AJAP1: variants seen among roughly 807,000 people sequenced by gnomAD.
AJAP1 encodes the protein adherens junctions associated protein 1.
A neutral mutation model predicts 35.0 loss-of-function variants in AJAP1; 5 were observed. The observed-to-expected ratio is 0.14, with a 90% CI of 0.07 to 0.30. The LOEUF is 0.30. AJAP1 is among the 10% of genes least tolerant of loss of function. AJAP1 has a pLI of 1.00. For synonymous variants in AJAP1, 284 were observed against 249.3 expected (o/e 1.14, Z -1.31); for missense variants, 586 against 571.0 (o/e 1.03, Z -0.27).
Position 4,785,944 on chromosome 1 carries a change from ACAGTCCAGT to A in AJAP1, c.*3461_*3469del. ...AAACAGCTGGGAATGCACTCCTTGT[ACAGTCCAGT>A]CCGTTTTCAGACAAAGTCGCTGCTA... On this transcript the variant is annotated 3_prime_UTR_variant, in exon 6 of 6. Transcript: ENST00000378191. 1 of 152,326 alleles carries A rather than the reference ACAGTCCAGT, an allele frequency of 6.6e-6. No homozygotes were observed. The highest frequency in any genetic ancestry group is 1.9e-4 in the East Asian group (1 of 5,180). The allele number at this position is 152,326 out of a possible 1,614,324, so 9.4% of individuals were successfully genotyped here.
intron 1 of AJAP1, among the ~76,000 whole-genome samples, chr1:4,668,578 T>C (rs1177567934): frequency 6.6e-6 from 1 of 152,222 alleles, no homozygotes; most frequent in Non-Finnish European, 1.5e-5. Context: ...TAAGCAACTT[T>C]CCTAAGGTCA....
chr1:4,765,374 C>G (rs1168858773), intron 2 of AJAP1, among the ~76,000 whole-genome samples: 1 of 152,092 alleles, frequency 6.6e-6, no homozygotes, highest in African/African-American at 2.4e-5. Context: ...CAGGATTGCT[C>G]AGGGGCAGCA....
At chr1:4,708,948 A>C (rs1294312369) in intron 1 of AJAP1, among the ~76,000 whole-genome samples, 1 of 152,196 alleles carries the variant, frequency 6.6e-6, no homozygotes, top group African/African-American at 2.4e-5. Context: ...GAAGAGGAAA[A>C]ACAAATCGAC....
intron 2 of AJAP1, among the ~76,000 whole-genome samples, chr1:4,753,616 G>A (rs1035973199): frequency 2.0e-5 from 3 of 151,938 alleles, no homozygotes; most frequent in South Asian, 2.1e-4. Context: ...CTTGTCACCC[G>A]GGCTGGAGTG....
chr1:4,782,736 T>G lies in AJAP1; in HGVS notation c.*251T>G, dbSNP rs1243007170. 1.4e-4 allele frequency: 55 copies of G among 398,476 alleles called. 2 individuals carry two copies. In the East Asian group the frequency reaches 1.9e-3, roughly 14 times the overall value. The allele number at this position is 398,476 out of a possible 1,614,324, so 24.7% of individuals were successfully genotyped here. A position where few individuals can be genotyped will look rare whatever the true frequency, so the allele number is the denominator to read the frequency against. On this transcript the variant is annotated 3_prime_UTR_variant, in exon 6 of 6. Transcript: ENST00000378191. This position sits in a 1 kb window ranked among gnomAD's most constrained non-coding sequence, Gnocchi z 5.3. ...ATGCTCATGCCTATGGGTGACTGCC[T>G]TCTCCCAGAGTTTTCTTTGGAGAAC...
intron 2 of AJAP1, among the ~76,000 whole-genome samples, chr1:4,769,346 T>A (rs1038704219): frequency 2.0e-5 from 3 of 152,138 alleles, no homozygotes; most frequent in African/African-American, 7.2e-5. Flanking sequence ...CTCCCCAATA[T>A]GTACTGGCCC....
chr1:4,771,823 C>T (rs1174240864), intron 3 of AJAP1, among the ~76,000 whole-genome samples: 1 of 152,166 alleles, frequency 6.6e-6, no homozygotes, highest in African/African-American at 2.4e-5. Context: ...TCCCCAAAGA[C>T]AGGTCCATTG....
chr1:4,783,770 A>C lies in AJAP1; in HGVS notation c.*1285A>C, dbSNP rs1642115599. 1 of 151,978 alleles carries C rather than the reference A, an allele frequency of 6.6e-6. No individual in the cohort carries two copies. Among genetic ancestry groups the C allele is most frequent in the South Asian group, 2.1e-4 (1 of 4,818 alleles). The allele number at this position is 151,978 out of a possible 1,614,324, so 9.4% of individuals were successfully genotyped here. On this transcript the variant is annotated 3_prime_UTR_variant, in exon 6 of 6. Coordinates refer to ENST00000378191, the MANE Select transcript of AJAP1 (RefSeq NM_018836.4). ...GATTAAAGAAGTTTTCCAGTTCCAA[A>C]AATTAAAGGAATATATCCTTATGAT...
chr1:4,783,471 GTATATATATATATATATATATA>G lies in AJAP1; in HGVS notation c.*1004_*1025del, dbSNP rs70957905. The G allele has an allele frequency of 1.2e-4, 7 of 57,800 alleles. No individual in the cohort carries two copies. The highest frequency in any genetic ancestry group is 1.1e-3 in the South Asian group (2 of 1,836). 3.6% of individuals were successfully genotyped at this position (57,800 alleles called of 1,614,324 possible). ...ATGCCAAGGTTTTATATATGTGTGT[GTATATATATATATATATATATA>G]TATATATATATATATATGTTTGTGT... On this transcript the variant is annotated 3_prime_UTR_variant, in exon 6 of 6. Coordinates refer to ENST00000378191, the MANE Select transcript of AJAP1 (RefSeq NM_018836.4).
chr1:4,760,034 C>T (rs113430544), intron 2 of AJAP1, among the ~76,000 whole-genome samples: 2,348 of 152,274 alleles, frequency 0.015, 51 homozygotes, highest in African/African-American at 0.052. Flanking sequence ...CCTTCAGAGC[C>T]ATCATCTTTT....
chr1:4,774,704 G>A (rs1359162492), intron 5 of AJAP1, 146 bp downstream of exon 5: 12 of 577,920 alleles, frequency 2.1e-5, no homozygotes, highest in Admixed American at 3.0e-5. Context: ...AACATGAGCC[G>A]GCGGGGGGGG....
intron 2 of AJAP1, among the ~76,000 whole-genome samples, chr1:4,713,174 G>A (rs918792494): frequency 8.5e-5 from 13 of 152,338 alleles, no homozygotes; most frequent in South Asian, 8.3e-4. Flanking sequence ...GGGCATGGAC[G>A]GGGGCAGGGT....
intron 5 of AJAP1, among the ~76,000 whole-genome samples, chr1:4,781,629 G>A (rs967944811): frequency 1.3e-5 from 2 of 152,226 alleles, no homozygotes; most frequent in African/African-American, 2.4e-5. Flanking sequence ...TCTTTCTACT[G>A]TTGAGGGTCC....
chr1:4,715,773 A>G (rs1640375632), intron 2 of AJAP1, among the ~76,000 whole-genome samples: 1 of 152,260 alleles, frequency 6.6e-6, no homozygotes, highest in Non-Finnish European at 1.5e-5. Context: ...CTGGCGCTGA[A>G]CAATTCTCCA....
intron 2 of AJAP1, among the ~76,000 whole-genome samples, chr1:4,714,852 A>T (rs1640353078): frequency 1.3e-5 from 2 of 152,202 alleles, no homozygotes; most frequent in African/African-American, 2.4e-5. Context: ...AAATGCGGGG[A>T]TGATTCCCCT....
intron 1 of AJAP1, among the ~76,000 whole-genome samples, chr1:4,668,392 G>A (rs538366052): frequency 6.6e-6 from 1 of 152,028 alleles, no homozygotes; most frequent in Admixed American, 6.6e-5. Context: ...TGAGGTTGTA[G>A]GTGTGAGGCA....
rs1639778935 is a variant in AJAP1 at position 4,693,018 on chromosome 1, TACTA to T, written c.30-18880_30-18877del. 6.6e-6 allele frequency among the ~76,000 whole-genome samples: 1 copy of T among 152,234 alleles called. No homozygotes were observed. The highest frequency in any genetic ancestry group is 2.1e-4 in the South Asian group (1 of 4,834). On this transcript the variant is annotated intron_variant, in intron 1 of 5. Coordinates refer to ENST00000378191, the MANE Select transcript of AJAP1 (RefSeq NM_018836.4). The surrounding 1 kb of genome is among the most constrained non-coding windows in gnomAD (Gnocchi z 4.4). ...AATATTTCTATTACAGTGTAATTAA[TACTA>T]AATAAGAATTGAGCTTCATAAATGC...
intron 1 of AJAP1, among the ~76,000 whole-genome samples, chr1:4,704,307 CT>C (rs1640054195): frequency 8.3e-6 from 1 of 120,382 alleles, no homozygotes; most frequent in South Asian, 3.4e-4. Context: ...TCCTTCCCCC[CT>C]CCCCCCACCC....
rs1482114695 is a variant in AJAP1, at chr1:4,748,778, T to A, written c.830-21075T>A. ...AAAAAAAAAAAAAAAAAAAAAAGAA[T>A]GGAACCAGGGCTCTTACAAAAGAGG... is the stretch of plus-strand genomic sequence containing the variant. On this transcript the variant is annotated intron_variant, in intron 2 of 5. Transcript: ENST00000378191. Among the ~76,000 whole-genome samples, 353 of 134,574 alleles carry A rather than the reference T, an allele frequency of 2.6e-3. 4 individuals carry two copies. Among genetic ancestry groups the A allele is most frequent in the African/African-American group, 7.8e-3 (277 of 35,650 alleles). 88.3% of individuals were successfully genotyped at this position (134,574 alleles called of 152,430 possible). A position where few individuals can be genotyped will look rare whatever the true frequency, so the allele number is the denominator to read the frequency against.
Sources: allele counts gnomAD v4.1 joint callset (sites outside exome capture counted in the v4.1 genomes callset), GRCh38; gene constraint gnomAD v4.1.1; non-coding constraint Gnocchi (gnomAD v3.1); transcripts MANE v1.5; gene names NCBI Gene and HGNC (gene_info 2026-07-23, HGNC 2026-07-21).